The following WRN variants were observed in gnomAD, a reference collection of about 807,000 sequenced individuals.
WRN encodes WRN RecQ like helicase, also known as bifunctional 3'-5' exonuclease/ATP-dependent helicase WRN.
Under a neutral mutation model 180.7 loss-of-function variants are expected in WRN, and 149 were observed. The ratio of observed to expected loss-of-function variants is 0.82; its 90% CI spans 0.72 to 0.94. The LOEUF is 0.94. WRN is among the 40% of genes least tolerant of loss of function. WRN has a pLI of 0.00. For synonymous variants in WRN, 548 were observed against 568.9 expected (o/e 0.96, Z 0.52); for missense variants, 1,661 against 1,700.1 (o/e 0.98, Z 0.40).
At chr8:31,069,546 A>T (rs565740829) in intron 7 of WRN, among the ~76,000 whole-genome samples, 2 of 152,254 alleles carry the variant, frequency 1.3e-5, no homozygotes, top group Non-Finnish European at 2.9e-5. Context: ...ATATGAATGA[A>T]GTGATGCGTA....
intron 9 of WRN, among the ~76,000 whole-genome samples, chr8:31,081,966 G>A (rs1393829426): frequency 6.6e-6 from 1 of 152,020 alleles, no homozygotes; most frequent in Non-Finnish European, 1.5e-5. Flanking sequence ...TCGCTCTGTT[G>A]CCCAGACTGG....
At chr8:31,104,063 AAAC>A (rs1455120804) in intron 18 of WRN, among the ~76,000 whole-genome samples, 94 of 152,308 alleles carry the variant, frequency 6.2e-4, no homozygotes, top group Non-Finnish European at 1.3e-4. Context: ...GTGAATGGTT[AAAC>A]AACCTGAAAA....
At chr8:31,063,648 A>G (rs1382768865) in intron 3 of WRN, among the ~76,000 whole-genome samples, 3 of 152,230 alleles carry the variant, frequency 2.0e-5, no homozygotes, top group Admixed American at 6.5e-5. Flanking sequence ...AATCACGTAG[A>G]CTTAGTTTGC....
At chr8:31,128,993 G>A (rs1802043064) in intron 23 of WRN, among the ~76,000 whole-genome samples, 1 of 151,352 alleles carries the variant, frequency 6.6e-6, no homozygotes, top group Admixed American at 6.6e-5. Context: ...TTATTTTTTT[G>A]ACATAGGGTC....
chr8:31,140,003 G>GTTTTGTTTT (rs1802551076), intron 24 of WRN, among the ~76,000 whole-genome samples: 1 of 62,086 alleles, frequency 1.6e-5, no homozygotes, highest in Non-Finnish European at 2.9e-5. Context: ...ATACTTCTTT[G>GTTTTGTTTT]TTTTTTTTTT....
chr8:31,119,634 T>G (rs762619648), intron 20 of WRN, among the ~76,000 whole-genome samples: 2 of 151,990 alleles, frequency 1.3e-5, no homozygotes, highest in Non-Finnish European at 2.9e-5. Flanking sequence ...CTCTGAGCCA[T>G]GTAGTATATT....
intron 1 of WRN, among the ~76,000 whole-genome samples, chr8:31,041,869 G>A (rs1811671088): frequency 6.6e-6 from 1 of 152,214 alleles, no homozygotes; most frequent in Non-Finnish European, 1.5e-5. Context: ...CATAGGTACA[G>A]GCACAGAGTA....
chr8:31,137,964 A>G (rs1478942314), intron 24 of WRN, among the ~76,000 whole-genome samples: 2 of 152,136 alleles, frequency 1.3e-5, no homozygotes, highest in Non-Finnish European at 2.9e-5. Flanking sequence ...ATTAGCGGGC[A>G]TGGTGGAATA....
chr8:31,095,545 C>A (rs771563571), intron 16 of WRN, among the ~76,000 whole-genome samples: 2 of 152,088 alleles, frequency 1.3e-5, no homozygotes, highest in Non-Finnish European at 2.9e-5. Context: ...TTTAGATTTA[C>A]GATTCATTTT....
At chr8:31,060,885 A>T (rs1324158105) in intron 3 of WRN, among the ~76,000 whole-genome samples, 1 of 152,204 alleles carries the variant, frequency 6.6e-6, no homozygotes, top group Non-Finnish European at 1.5e-5. Flanking sequence ...TCCTCTGGAC[A>T]CTTTAAATTT....
chr8:31,062,562 C>T (rs1057101212), intron 3 of WRN, among the ~76,000 whole-genome samples: 1 of 151,878 alleles, frequency 6.6e-6, no homozygotes, highest in African/African-American at 2.4e-5. Context: ...CATGCACCAT[C>T]ATGCCCAGAT....
At chr8:31,137,477 G>A (rs1802443537) in intron 24 of WRN, among the ~76,000 whole-genome samples, 1 of 152,176 alleles carries the variant, frequency 6.6e-6, no homozygotes, top group East Asian at 1.9e-4. Context: ...CCATTAACAA[G>A]TGTTCCAGGG....
intron 23 of WRN, among the ~76,000 whole-genome samples, chr8:31,128,975 AT>A (rs11299484): frequency 0.47 from 71,828 of 151,922 alleles, 17,413 homozygotes; most frequent in East Asian, 0.62. Flanking sequence ...ATGCTGTTTT[AT>A]TTTTTTTTAT....
At chr8:31,078,556 G>A (rs1813182824) in intron 8 of WRN, among the ~76,000 whole-genome samples, 1 of 152,118 alleles carries the variant, frequency 6.6e-6, no homozygotes, top group Admixed American at 6.5e-5. Flanking sequence ...CTGAAAGAGT[G>A]GACAAAACTA....
intron 5 of WRN, among the ~76,000 whole-genome samples, chr8:31,065,370 C>T (rs1340335172): frequency 6.6e-6 from 1 of 152,004 alleles, no homozygotes; most frequent in East Asian, 1.9e-4. Flanking sequence ...AGTTATTTTT[C>T]CTGATTTTCT....
chr8:31,157,445 C>T lies in WRN; in HGVS notation c.3897C>T (p.Cys1299=), dbSNP rs773822420. 14 of 1,613,974 alleles carry T rather than the reference C, an allele frequency of 8.7e-6. No homozygotes were observed. The African/African-American group carries it at 1.9e-4, about 22-fold the overall frequency. The change falls in exon 33 of 35, where the codon TGC becomes TGT. Residue 1299 remains cysteine (C), a synonymous_variant. Coordinates refer to ENST00000298139, the MANE Select transcript of WRN (RefSeq NM_000553.6). ...TATCCCAAGCGGTGAAAGCTGGCTG[C>T]CCCCTTGATTTGGAGCGAGCAGGCC... ...MHLSQAVKAG[C]PLDLERAGLT...
At position 31,085,158 on chromosome 8, in the gene WRN, T is replaced by G; in HGVS notation, c.1351-8T>G. ...TTGGAAATTAATGCTTAATACTTTT[T>G]TTTAAAGCATTTATCTCCCAATGAT... On this transcript the variant is annotated splice_region_variant and splice_polypyrimidine_tract_variant and intron_variant, in intron 10 of 34. Coordinates refer to ENST00000298139, the MANE Select transcript of WRN (RefSeq NM_000553.6). 1 of 1,612,544 alleles carries G rather than the reference T, an allele frequency of 6.2e-7. No individual in the cohort carries two copies. The highest frequency in any genetic ancestry group is 8.5e-7 in the Non-Finnish European group (1 of 1,179,022).
chr8:31,163,685 C>G (rs1803726765), intron 33 of WRN, among the ~76,000 whole-genome samples: 1 of 151,916 alleles, frequency 6.6e-6, no homozygotes, highest in African/African-American at 2.4e-5. Flanking sequence ...ATATTAAAAT[C>G]AAGCAGAATA....
chr8:31,037,473 G>T (rs1330401463), intron 1 of WRN, among the ~76,000 whole-genome samples: 1 of 152,224 alleles, frequency 6.6e-6, no homozygotes, highest in African/African-American at 2.4e-5. Flanking sequence ...CCTGACCAAT[G>T]TTAGGGAGCT....
Sources: allele counts gnomAD v4.1 joint callset (sites outside exome capture counted in the v4.1 genomes callset), GRCh38; gene constraint gnomAD v4.1.1; transcripts MANE v1.5; gene names NCBI Gene and HGNC (gene_info 2026-07-23, HGNC 2026-07-21).